The following SGPP2 variants were observed in gnomAD, a reference collection of about 807,000 sequenced individuals.
SGPP2 encodes sphingosine-1-phosphate phosphatase 2, also known as sphingosine 1-phosphate phosphohydrolase 2.
In SGPP2, 30 loss-of-function variants were observed where a neutral mutation model predicts 33.9. The observed-to-expected ratio is 0.89, with a 90% confidence interval of 0.66 to 1.20. The LOEUF is 1.20. Among genes scored for constraint, SGPP2 ranks in the 50% most tolerant of loss-of-function variants. SGPP2 has a pLI of 0.00. For synonymous variants in SGPP2, 233 were observed against 225.0 expected, an observed-to-expected ratio of 1.04 and a Z score of -0.32; for missense variants, 458 against 532.1, an observed-to-expected ratio of 0.86 and a Z score of 1.37.
At chr2:222,488,436 C>T (rs140749455) in intron 2 of SGPP2, among the ~76,000 whole-genome samples, 387 of 152,316 alleles carry the variant, frequency 2.5e-3, no homozygotes, top group African/African-American at 8.9e-3. Flanking sequence ...GTTGTGCACT[C>T]CTTATGAGAC....
chr2:222,494,126 T>C (rs559465948), intron 2 of SGPP2, among the ~76,000 whole-genome samples: 22 of 152,158 alleles, frequency 1.4e-4, no homozygotes, highest in Non-Finnish European at 2.9e-4. Context: ...TCCTCAGCCC[T>C]TCCCTGTCTG....
intron 2 of SGPP2, among the ~76,000 whole-genome samples, chr2:222,489,487 T>C (rs1396855836): frequency 6.6e-6 from 1 of 152,106 alleles, no homozygotes; most frequent in Non-Finnish European, 1.5e-5. Flanking sequence ...TTTCAGGACT[T>C]TGTCTTTTTG....
intron 2 of SGPP2, chr2:222,504,012 T>A (rs1036368589): frequency 1.3e-5 from 2 of 152,204 alleles, no homozygotes; most frequent in African/African-American, 4.8e-5. Flanking sequence ...AATGGGATAG[T>A]GGTTGTCACA....
chr2:222,452,340 G>T, intron 1 of SGPP2: 1 of 682,494 alleles, frequency 1.5e-6, no homozygotes, highest in East Asian at 2.8e-5. Flanking sequence ...GGGAGGAGGG[G>T]AGAGGAAGGA....
chr2:222,424,734 G>A lies in SGPP2; in HGVS notation c.132G>A (p.Arg44=), dbSNP rs1456220563. The A allele has an allele frequency of 7.0e-7, 1 of 1,429,172 alleles. No individual in the cohort carries two copies. Among genetic ancestry groups the A allele is most frequent in the African/African-American group, 1.5e-5 (1 of 67,410 alleles). The allele number at this position is 1,429,172 out of a possible 1,614,324, so 88.5% of individuals were successfully genotyped here. A position where few individuals can be genotyped will look rare whatever the true frequency, so the allele number is the denominator to read the frequency against. Residue 44 remains arginine (R), a synonymous_variant, in exon 1 of 5, where the codon CGG becomes CGA. Transcript: ENST00000321276. ...CGGACCCCACGGAGCGCGCGGCGCG[G>A]GTCCCCGGGGTCGAGCATCTCCCCG... ...NGADPTERAA[R]VPGVEHLPAA...
intron 4 of SGPP2, among the ~76,000 whole-genome samples, chr2:222,547,460 TG>T (rs1173971410): frequency 1.3e-5 from 2 of 152,260 alleles, no homozygotes; most frequent in East Asian, 3.8e-4. Flanking sequence ...TGAAGACCTC[TG>T]TTTGGACTTG....
chr2:222,467,970 A>C (rs866366549), intron 1 of SGPP2, among the ~76,000 whole-genome samples: 3,331 of 129,694 alleles, frequency 0.026, 17 homozygotes, highest in African/African-American at 0.064. Flanking sequence ...AAAAAAAAAA[A>C]AAAAAAAAAA....
At chr2:222,501,591 A>G (rs1439849672) in intron 2 of SGPP2, among the ~76,000 whole-genome samples, 1 of 152,174 alleles carries the variant, frequency 6.6e-6, no homozygotes, top group Non-Finnish European at 1.5e-5. Context: ...TGGTCAGCAA[A>G]ATGGCAGACC....
At chr2:222,470,428 A>G (rs558917441) in intron 1 of SGPP2, among the ~76,000 whole-genome samples, 10 of 152,326 alleles carry the variant, frequency 6.6e-5, no homozygotes, top group Middle Eastern at 3.4e-3. Context: ...GGTGTCATCT[A>G]TATATGCTGA....
chr2:222,496,925 A>C (rs906404930), intron 2 of SGPP2, among the ~76,000 whole-genome samples: 2 of 152,236 alleles, frequency 1.3e-5, no homozygotes, highest in Admixed American at 1.3e-4. Context: ...CTATTTCTAC[A>C]AAAGTGATTT....
Position 222,562,539 on chromosome 2 carries a change from C to A in SGPP2, c.*3641C>A, listed in dbSNP as rs1286616596. Among the ~76,000 whole-genome samples, 2 of 152,164 alleles carry A rather than the reference C, an allele frequency of 1.3e-5. No individual in the cohort carries two copies. The highest frequency in any genetic ancestry group is 1.3e-4 in the Admixed American group (2 of 15,276). On this transcript the variant is annotated 3_prime_UTR_variant, in exon 5 of 5. Transcript: ENST00000321276. ...TTCTATTTTAGAAACCTTCAGCTGT[C>A]TTGCTTATGTACTGTATGTAAATTT...
upstream of SGPP2, chr2:222,424,482 C>CCCGCCCGCCCGGCCT (rs1232157481): frequency 2.1e-3 from 1,251 of 609,636 alleles, 14 homozygotes; most frequent in African/African-American, 0.023. Flanking sequence ...GGCCCGGGGC[C>CCCGCCCGCCCGGCCT]CCGCCCGCCC....
At chr2:222,495,844 C>T (rs1177696097) in intron 2 of SGPP2, among the ~76,000 whole-genome samples, 3 of 152,208 alleles carry the variant, frequency 2.0e-5, no homozygotes, top group African/African-American at 2.4e-5. Flanking sequence ...TTAAGTTTCT[C>T]TCCATCTATA....
At chr2:222,451,874 G>T (rs1697495334) in intron 1 of SGPP2, among the ~76,000 whole-genome samples, 2 of 152,108 alleles carry the variant, frequency 1.3e-5, no homozygotes, top group Non-Finnish European at 2.9e-5. Flanking sequence ...TTATCAACAA[G>T]AACTTTTATT....
chr2:222,520,762 C>G (rs1203928012), intron 2 of SGPP2, among the ~76,000 whole-genome samples: 1 of 149,780 alleles, frequency 6.7e-6, no homozygotes, highest in South Asian at 2.1e-4. Context: ...ATATCGAGCC[C>G]TTTTTTTTTG....
At chr2:222,466,749 A>C (rs1697752516) in intron 1 of SGPP2, among the ~76,000 whole-genome samples, 1 of 152,122 alleles carries the variant, frequency 6.6e-6, no homozygotes. Context: ...CTTCTTAACT[A>C]ATTTCAAATT....
intron 2 of SGPP2, among the ~76,000 whole-genome samples, chr2:222,519,291 A>G (rs983713363): frequency 5.3e-5 from 8 of 152,274 alleles, no homozygotes; most frequent in African/African-American, 1.9e-4. Context: ...AGTAGGTCTA[A>G]GGAGAATCCT....
chr2:222,500,803 C>G (rs550433963), intron 2 of SGPP2, among the ~76,000 whole-genome samples: 3 of 152,320 alleles, frequency 2.0e-5, no homozygotes, highest in Non-Finnish European at 2.9e-5. Context: ...CTCTCCATTT[C>G]CTTCCAAGCA....
intron 2 of SGPP2, among the ~76,000 whole-genome samples, chr2:222,512,201 T>A (rs1049574281): frequency 6.6e-6 from 1 of 151,444 alleles, no homozygotes; most frequent in African/African-American, 2.4e-5. Context: ...TTGGTAGAGA[T>A]GGGGTTTCAC....
Sources: allele counts gnomAD v4.1 joint callset (sites outside exome capture counted in the v4.1 genomes callset), GRCh38; gene constraint gnomAD v4.1.1; transcripts MANE v1.5; gene names NCBI Gene and HGNC (gene_info 2026-07-23, HGNC 2026-07-21).